Variants in NEK1 observed in about 807,000 individuals in gnomAD.
NEK1 encodes the protein NIMA related kinase 1.
In NEK1, 137 loss-of-function variants were observed where a neutral mutation model predicts 182.1. The observed-to-expected ratio is 0.75, with a 90% CI of 0.65 to 0.87. The LOEUF (loss-of-function observed/expected upper bound fraction) is 0.87. Among genes scored for constraint, NEK1 ranks in the 40% least tolerant of loss-of-function variants. The probability of loss-of-function intolerance (pLI) is 0.00; values close to 1 mark genes in which losing one functional copy is unlikely to be tolerated. For missense variants in NEK1, 1,391 were observed against 1,494.4 expected (o/e 0.93, Z 1.14); for synonymous variants, 513 against 492.2 (o/e 1.04, Z -0.56).
intron 23 of NEK1, among the ~76,000 whole-genome samples, chr4:169,494,104 T>C (rs577607213): frequency 6.1e-4 from 93 of 152,154 alleles, no homozygotes; most frequent in African/African-American, 2.2e-3. Context: ...TTCTTTCTTT[T>C]TTTTTTTTTT....
intron 18 of NEK1, among the ~76,000 whole-genome samples, chr4:169,540,641 G>A (rs539546514): frequency 3.0e-4 from 45 of 152,184 alleles, no homozygotes; most frequent in African/African-American, 1.0e-3. Flanking sequence ...TTTCTTTTGA[G>A]TTCCAGAATT....
chr4:169,428,153 G>A (rs1265333304), intron 29 of NEK1, among the ~76,000 whole-genome samples: 3 of 151,594 alleles, frequency 2.0e-5, no homozygotes, highest in Non-Finnish European at 4.4e-5. Flanking sequence ...AAAATATAAT[G>A]TCCCTTGGTT....
intron 9 of NEK1, 43 bp downstream of exon 9, chr4:169,587,516 T>G (rs1767732055): frequency 9.0e-7 from 1 of 1,115,610 alleles, no homozygotes; most frequent in South Asian, 1.6e-5. Flanking sequence ...TTATAGTCGC[T>G]TTTTAACATA....
chr4:169,522,077 T>C (rs1424113532), intron 19 of NEK1, among the ~76,000 whole-genome samples: 1 of 152,232 alleles, frequency 6.6e-6, no homozygotes, highest in African/African-American at 2.4e-5. Flanking sequence ...TTACTCTCTG[T>C]TGTTCAGATA....
chr4:169,425,760 C>T (rs1417286394), intron 30 of NEK1, among the ~76,000 whole-genome samples: 1 of 152,070 alleles, frequency 6.6e-6, no homozygotes, highest in African/African-American at 2.4e-5. Context: ...TCAAGTGATC[C>T]TCCCACCTCA....
At chr4:169,430,967 C>T (rs902970426) in intron 29 of NEK1, among the ~76,000 whole-genome samples, 1 of 151,094 alleles carries the variant, frequency 6.6e-6, no homozygotes, top group Non-Finnish European at 1.5e-5. Flanking sequence ...ACAGCCAATA[C>T]AGCAAAAGAC....
intron 23 of NEK1, among the ~76,000 whole-genome samples, chr4:169,488,745 C>T (rs1165412698): frequency 6.6e-6 from 1 of 152,168 alleles, no homozygotes; most frequent in Non-Finnish European, 1.5e-5. Context: ...ATGTTAACCA[C>T]TCCTGAGTAA....
At chr4:169,601,944 G>A (rs541220830) in intron 4 of NEK1, 64 bp downstream of exon 4, 5 of 1,090,292 alleles carry the variant, frequency 4.6e-6, no homozygotes, top group African/African-American at 1.6e-5. Flanking sequence ...TCCTAAGAAT[G>A]CATTCACAAA....
chr4:169,605,375 C>G (rs1190257059), intron 2 of NEK1, among the ~76,000 whole-genome samples: 1 of 152,152 alleles, frequency 6.6e-6, no homozygotes, highest in Non-Finnish European at 1.5e-5. Context: ...CAAATGCAGA[C>G]ACTTTTCTGA....
chr4:169,590,493 T>C (rs1183393702), intron 6 of NEK1, among the ~76,000 whole-genome samples: 1 of 152,048 alleles, frequency 6.6e-6, no homozygotes, highest in Non-Finnish European at 1.5e-5. Context: ...AGGTTCTTTT[T>C]GGAGTTATAA....
chr4:169,424,185 A>G (rs938732823), intron 31 of NEK1, among the ~76,000 whole-genome samples: 1 of 152,220 alleles, frequency 6.6e-6, no homozygotes, highest in Non-Finnish European at 1.5e-5. Flanking sequence ...TAATGTTTTT[A>G]TATACAAATT....
At chr4:169,494,735 T>C (rs1194960513) in intron 23 of NEK1, among the ~76,000 whole-genome samples, 3 of 152,208 alleles carry the variant, frequency 2.0e-5, no homozygotes, top group Non-Finnish European at 4.4e-5. Flanking sequence ...GTGTTCCTAT[T>C]TCTCCACATC....
chr4:169,500,363 C>T (rs2149664078), intron 23 of NEK1, among the ~76,000 whole-genome samples: 1 of 152,328 alleles, frequency 6.6e-6, no homozygotes, highest in Non-Finnish European at 1.5e-5. Context: ...AAGGTGATGC[C>T]TCGCCCTGCT....
intron 12 of NEK1, among the ~76,000 whole-genome samples, chr4:169,570,889 G>C (rs565768512): frequency 1.3e-5 from 2 of 152,294 alleles, no homozygotes; most frequent in South Asian, 4.1e-4. Context: ...CCCCAACCCA[G>C]TGCTCTCTGA....
chr4:169,572,812 T>G (rs942190622), intron 12 of NEK1, among the ~76,000 whole-genome samples: 1 of 152,106 alleles, frequency 6.6e-6, no homozygotes, highest in Non-Finnish European at 1.5e-5. Context: ...AAATGACCCA[T>G]GGATTTAATA....
At chr4:169,468,038 AAGT>A (rs1173473722) in intron 26 of NEK1, among the ~76,000 whole-genome samples, 3 of 152,166 alleles carry the variant, frequency 2.0e-5, no homozygotes, top group Admixed American at 1.3e-4. Context: ...GAGCAAAACA[AAGT>A]AGGAGTGACT....
At chr4:169,516,515 C>A (rs1439300742) in intron 19 of NEK1, among the ~76,000 whole-genome samples, 1 of 93,712 alleles carries the variant, frequency 1.1e-5, no homozygotes, top group African/African-American at 5.7e-5. Flanking sequence ...TAATTAGATC[C>A]CATTTGTCAA....
intron 23 of NEK1, among the ~76,000 whole-genome samples, chr4:169,497,029 G>C (rs1405234345): frequency 6.6e-6 from 1 of 152,112 alleles, no homozygotes; most frequent in African/African-American, 2.4e-5. Context: ...GAATCCATCT[G>C]GTCCTGGATT....
At chr4:169,421,339 C>T (rs909637899) in intron 31 of NEK1, among the ~76,000 whole-genome samples, 26 of 152,024 alleles carry the variant, frequency 1.7e-4, no homozygotes, top group African/African-American at 5.6e-4. Context: ...TTATTTGCCC[C>T]AAAACAGAAC....
Sources: allele counts gnomAD v4.1 joint callset (sites outside exome capture counted in the v4.1 genomes callset), GRCh38; gene constraint gnomAD v4.1.1; transcripts MANE v1.5; gene names NCBI Gene and HGNC (gene_info 2026-07-23, HGNC 2026-07-21).